DOK6: variants seen among roughly 807,000 people sequenced by gnomAD.
DOK6 encodes downstream of tyrosine kinase 6.
DOK6 carries 22 observed loss-of-function variants against 44.0 expected under a neutral mutation model. The ratio of observed to expected loss-of-function variants is 0.50; its 90% CI spans 0.36 to 0.71. DOK6 has a LOEUF of 0.71. Among genes scored for constraint, DOK6 ranks in the 30% least tolerant of loss-of-function variants. The probability of loss-of-function intolerance (pLI) is 0.00; values close to 1 mark genes in which losing one functional copy is unlikely to be tolerated. For missense variants in DOK6, 340 were observed against 416.4 expected, an observed-to-expected ratio of 0.82 and a Z score of 1.60; for synonymous variants, 166 against 145.5, an observed-to-expected ratio of 1.14 and a Z score of -1.01.
chr18:69,694,301 C>T (rs1005675087), intron 4 of DOK6, among the ~76,000 whole-genome samples: 1 of 151,626 alleles, frequency 6.6e-6, no homozygotes, highest in South Asian at 2.1e-4. Context: ...CAGCCTTACC[C>T]CTGTATCTCA....
intron 1 of DOK6, among the ~76,000 whole-genome samples, chr18:69,558,325 A>G (rs1464764578): frequency 1.3e-5 from 2 of 152,128 alleles, no homozygotes; most frequent in Non-Finnish European, 2.9e-5. Flanking sequence ...GTGCTGACTC[A>G]TGCTTAATTT....
intron 3 of DOK6, among the ~76,000 whole-genome samples, chr18:69,604,243 A>T (rs947142554): frequency 2.0e-5 from 3 of 152,188 alleles, no homozygotes; most frequent in African/African-American, 7.2e-5. Flanking sequence ...TCTGTTTTTT[A>T]AAAATTTTCG....
chr18:69,772,885 T>G (rs1979929797), intron 7 of DOK6, among the ~76,000 whole-genome samples: 2 of 151,824 alleles, frequency 1.3e-5, no homozygotes, highest in Admixed American at 1.3e-4. Context: ...AAGAAAACAA[T>G]AAACAGAGGA....
At chr18:69,408,537 C>T (rs1181206304) in intron 1 of DOK6, among the ~76,000 whole-genome samples, 1 of 151,614 alleles carries the variant, frequency 6.6e-6, no homozygotes, top group East Asian at 1.9e-4. Flanking sequence ...TTTAGTTTAG[C>T]ATTACCTTTA....
intron 7 of DOK6, among the ~76,000 whole-genome samples, chr18:69,798,304 G>A (rs992991153): frequency 1.3e-5 from 2 of 152,048 alleles, no homozygotes; most frequent in Non-Finnish European, 2.9e-5. Flanking sequence ...TGATAAAGAT[G>A]GACCTATTGA....
At chr18:69,441,524 A>G (rs1246904726) in intron 1 of DOK6, among the ~76,000 whole-genome samples, 1 of 152,190 alleles carries the variant, frequency 6.6e-6, no homozygotes, top group East Asian at 1.9e-4. Flanking sequence ...TTTGTAAAGA[A>G]GAACCTTCAA....
At chr18:69,762,896 C>T (rs1256137478) in intron 7 of DOK6, among the ~76,000 whole-genome samples, 4 of 152,140 alleles carry the variant, frequency 2.6e-5, no homozygotes, top group African/African-American at 9.7e-5. Flanking sequence ...TGGAGAATGT[C>T]TAATGGTGAT....
chr18:69,831,498 T>A (rs1055444000), intron 7 of DOK6, among the ~76,000 whole-genome samples: 6 of 152,220 alleles, frequency 3.9e-5, no homozygotes, highest in Non-Finnish European at 8.8e-5. Flanking sequence ...TGAGGATTTT[T>A]AAAATATGAT....
At chr18:69,593,178 A>T (rs996729666) in intron 2 of DOK6, among the ~76,000 whole-genome samples, 2 of 152,080 alleles carry the variant, frequency 1.3e-5, no homozygotes, top group Non-Finnish European at 2.9e-5. Flanking sequence ...CAGACTGTAT[A>T]ACATAGAGAG....
intron 1 of DOK6, among the ~76,000 whole-genome samples, chr18:69,427,530 T>C (rs1978675001): frequency 6.6e-6 from 1 of 152,204 alleles, no homozygotes; most frequent in South Asian, 2.1e-4. Context: ...ACTCCAGCCA[T>C]GTGGAATACA....
intron 7 of DOK6, among the ~76,000 whole-genome samples, chr18:69,836,160 T>C (rs1599352542): frequency 6.6e-6 from 1 of 152,232 alleles, no homozygotes; most frequent in Non-Finnish European, 1.5e-5. Flanking sequence ...TCAATTTGAT[T>C]GTTATTTTCT....
intron 7 of DOK6, among the ~76,000 whole-genome samples, chr18:69,762,554 A>G (rs1393716372): frequency 2.0e-5 from 3 of 152,230 alleles, no homozygotes; most frequent in African/African-American, 7.2e-5. Context: ...ATATATCTTT[A>G]GAATTTTCAA....
intron 7 of DOK6, among the ~76,000 whole-genome samples, chr18:69,770,592 T>C (rs1273237392): frequency 6.6e-6 from 1 of 152,100 alleles, no homozygotes; most frequent in Non-Finnish European, 1.5e-5. Flanking sequence ...GTTTGGTCAC[T>C]GCTTTTAAAA....
At chr18:69,589,686 G>T (rs548214168) in intron 2 of DOK6, among the ~76,000 whole-genome samples, 1 of 152,006 alleles carries the variant, frequency 6.6e-6, no homozygotes, top group Non-Finnish European at 1.5e-5. Context: ...TGCATTGAGT[G>T]GTAATATTCC....
intron 1 of DOK6, among the ~76,000 whole-genome samples, chr18:69,411,354 C>A (rs558545396): frequency 4.2e-4 from 64 of 152,140 alleles, no homozygotes; most frequent in African/African-American, 1.4e-3. Context: ...AATTCCTGAG[C>A]CTGGGGTGTA....
Position 69,691,155 on chromosome 18 carries a change from C to T in DOK6, c.410-7249C>T, listed in dbSNP as rs138708157. 5.8e-3 allele frequency among the ~76,000 whole-genome samples: 880 copies of T among 151,070 alleles called. 6 individuals are homozygous for T. The highest frequency in any genetic ancestry group is 9.8e-3 in the Non-Finnish European group (667 of 67,858). ...CCAAGATCGTACCATTGCACTCCAG[C>T]CCGGGCGACAAGAGCGAAACTCTGT... On this transcript the variant is annotated intron_variant, in intron 4 of 7. Coordinates refer to ENST00000382713, the MANE Select transcript of DOK6 (RefSeq NM_152721.6).
At chr18:69,509,473 TA>T (rs1376106446) in intron 1 of DOK6, among the ~76,000 whole-genome samples, 23 of 151,518 alleles carry the variant, frequency 1.5e-4, no homozygotes, top group South Asian at 4.2e-4. Flanking sequence ...CCGTCTCTAC[TA>T]AAAAATAGAA....
At position 69,844,843 on chromosome 18, in the gene DOK6, A is replaced by T. The variant is rs1431540615; in HGVS notation, c.*3460A>T. The T allele has an allele frequency of 6.6e-6, 1 of 152,234 alleles. No homozygotes were observed. Among genetic ancestry groups the T allele is most frequent in the Admixed American group, 6.5e-5 (1 of 15,282 alleles). The allele number at this position is 152,234 out of a possible 1,614,324, so 9.4% of individuals were successfully genotyped here. A position where few individuals can be genotyped will look rare whatever the true frequency, so the allele number is the denominator to read the frequency against. On this transcript the variant is annotated 3_prime_UTR_variant, in exon 8 of 8. Coordinates refer to ENST00000382713, the MANE Select transcript of DOK6 (RefSeq NM_152721.6). ...TAGTAACTAGAGAACTAGTCCTAGTATCTTGCGTAATTCTTCTCTGTCTTC... is the reference window on the plus strand; with the variant it reads ...TAGTAACTAGAGAACTAGTCCTAGTTTCTTGCGTAATTCTTCTCTGTCTTC...
chr18:69,679,646 A>G (rs1180458274), intron 4 of DOK6, among the ~76,000 whole-genome samples: 1 of 152,232 alleles, frequency 6.6e-6, no homozygotes, highest in Non-Finnish European at 1.5e-5. Context: ...CAAGTACTAC[A>G]TAAAGCAAAT....
Sources: gnomAD v4.1 joint callset for allele counts (sites outside exome capture counted in the v4.1 genomes callset) on GRCh38, gnomAD v4.1.1 for gene constraint, MANE v1.5 for transcripts, NCBI Gene and HGNC (gene_info 2026-07-23, HGNC 2026-07-21) for gene names.